REXO5: variants seen among roughly 807,000 people sequenced by gnomAD.
REXO5 encodes RNA exonuclease 5.
In REXO5, 48 loss-of-function variants were observed where a neutral mutation model predicts 88.5. The ratio of observed to expected loss-of-function variants is 0.54; its 90% CI spans 0.43 to 0.69. REXO5 has a LOEUF of 0.69. REXO5 is among the 30% of genes least tolerant of loss of function. The probability of loss-of-function intolerance (pLI) is 0.00; values close to 1 mark genes in which losing one functional copy is unlikely to be tolerated. For synonymous variants in REXO5, 311 were observed against 336.5 expected (o/e 0.92, Z 0.83); for missense variants, 749 against 912.2 (o/e 0.82, Z 2.30).
intron 8 of REXO5, among the ~76,000 whole-genome samples, chr16:20,826,469 C>T (rs1339328074): frequency 6.6e-6 from 1 of 152,188 alleles, no homozygotes; most frequent in Non-Finnish European, 1.5e-5. Context: ...TGTTCCCATC[C>T]GTTGACGTGG....
At chr16:20,813,924 A>T (rs1225695410) in intron 3 of REXO5, among the ~76,000 whole-genome samples, 1 of 151,970 alleles carries the variant, frequency 6.6e-6, no homozygotes, top group Non-Finnish European at 1.5e-5. Context: ...TACTGTTCTG[A>T]TATTGTTGGT....
intron 19 of REXO5, among the ~76,000 whole-genome samples, chr16:20,848,091 T>A (rs375954572): frequency 6.6e-6 from 1 of 152,180 alleles, no homozygotes; most frequent in Non-Finnish European, 1.5e-5. Flanking sequence ...CCTTTAAAAG[T>A]CACATTCTGA....
At chr16:20,833,187 C>A in intron 13 of REXO5, 64 bp downstream of exon 13, 1 of 1,499,422 alleles carries the variant, frequency 6.7e-7, no homozygotes, top group Non-Finnish European at 9.0e-7. Context: ...GCCCTTTGCA[C>A]CCATGCCAGT....
At chr16:20,827,515 T>C in intron 10 of REXO5, 68 bp downstream of exon 10, 1 of 1,140,606 alleles carries the variant, frequency 8.8e-7, no homozygotes, top group South Asian at 1.3e-5. Context: ...TAGTATCTAA[T>C]TTAATGCATA....
chr16:20,839,059 A>G (rs1204500735), intron 13 of REXO5, among the ~76,000 whole-genome samples: 1 of 152,196 alleles, frequency 6.6e-6, no homozygotes, highest in Non-Finnish European at 1.5e-5. Flanking sequence ...TGTGAGAGTG[A>G]GAGGCTGAAG....
intron 15 of REXO5, 140 bp from the exon 16 acceptor site, chr16:20,843,794 A>G (rs1052349315): frequency 1.2e-5 from 6 of 504,070 alleles, no homozygotes; most frequent in Admixed American, 3.7e-5. Context: ...ACAGTTTACA[A>G]TCAATACTTG....
rs979453804 is a variant in REXO5 at position 20,806,743 on chromosome 16, C to A, written c.-3+38C>A. On this transcript the variant is annotated intron_variant, in intron 1 of 19. Coordinates refer to ENST00000261377, the MANE Select transcript of REXO5 (RefSeq NM_030941.3). ...GACGGTAAAGCCGTTTGGGTTAGAG[C>A]GGCGCGGGTGTCCAGTCCGCGGAAC... 1.3e-5 allele frequency: 13 copies of A among 1,000,012 alleles called. No individual in the cohort carries two copies. In the African/African-American group the frequency reaches 1.8e-4, roughly 14 times the overall value. The allele number at this position is 1,000,012 out of a possible 1,614,324, so 61.9% of individuals were successfully genotyped here.
chr16:20,813,440 T>A lies in REXO5; in HGVS notation c.251+138T>A, dbSNP rs1596567590. On this transcript the variant is annotated intron_variant, in intron 3 of 19. Transcript: ENST00000261377. Reference sequence around the variant, plus strand: ...GACAGTATTTTTTTGCTATGCAGCATGTCCTGAATTTTTTATGATGGCTGC... The same window carrying A: ...GACAGTATTTTTTTGCTATGCAGCAAGTCCTGAATTTTTTATGATGGCTGC... The A allele has an allele frequency of 5.4e-6, 3 of 553,164 alleles. No individual in the cohort carries two copies. In the East Asian group the frequency reaches 9.3e-5, roughly 17 times the overall value. 34.3% of individuals were successfully genotyped at this position (553,164 alleles called of 1,614,324 possible).
chr16:20,829,725 A>G (rs2081312266), intron 11 of REXO5, among the ~76,000 whole-genome samples: 1 of 152,198 alleles, frequency 6.6e-6, no homozygotes, highest in Non-Finnish European at 1.5e-5. Flanking sequence ...AGCTATTATC[A>G]TTCCAATTTT....
chr16:20,822,625 A>G (rs2081202019), intron 6 of REXO5, among the ~76,000 whole-genome samples: 1 of 152,178 alleles, frequency 6.6e-6, no homozygotes, highest in African/African-American at 2.4e-5. Flanking sequence ...CTATATATAG[A>G]TTTACCCATT....
intron 13 of REXO5, among the ~76,000 whole-genome samples, chr16:20,835,041 G>T (rs2081404702): frequency 6.6e-6 from 1 of 152,084 alleles, no homozygotes. Context: ...TTAATTTGTT[G>T]GGTGCTATAT....
chr16:20,824,399 T>C (rs940533784), intron 6 of REXO5, 40 bp from the exon 7 acceptor site: 4 of 1,130,768 alleles, frequency 3.5e-6, no homozygotes, highest in Non-Finnish European at 5.3e-6. Flanking sequence ...GTTTACCATC[T>C]CTATTCTAAA....
At chr16:20,809,224 GACA>G (rs2080960556) in intron 2 of REXO5, among the ~76,000 whole-genome samples, 1 of 152,138 alleles carries the variant, frequency 6.6e-6, no homozygotes. Flanking sequence ...AGTAGTTGCT[GACA>G]CAATGGTCTT....
chr16:20,832,403 C>T lies in REXO5; in HGVS notation c.1262+144C>T, dbSNP rs368252183. On this transcript the variant is annotated intron_variant, in intron 12 of 19. Transcript: ENST00000261377. ...ATGATAACATCTATCACAAAAACCA[C>T]GGAAAAAATACCACCTTCTAGCCTT... is the stretch of plus-strand genomic sequence containing the variant. 98 of 492,400 alleles carry T rather than the reference C, an allele frequency of 2.0e-4. 1 individual carries two copies. Among genetic ancestry groups the T allele is most frequent in the Admixed American group, 1.8e-3 (43 of 24,032 alleles). 30.5% of individuals were successfully genotyped at this position (492,400 alleles called of 1,614,324 possible).
chr16:20,843,873 A>T, intron 15 of REXO5, 61 bp from the exon 16 acceptor site: 1 of 1,219,794 alleles, frequency 8.2e-7, no homozygotes, highest in Non-Finnish European at 1.2e-6. Context: ...CCTTTCCCCA[A>T]CCCCTTCTTT....
chr16:20,822,849 A>G (rs2081205124), intron 6 of REXO5, among the ~76,000 whole-genome samples: 1 of 152,212 alleles, frequency 6.6e-6, no homozygotes, highest in Non-Finnish European at 1.5e-5. Context: ...TGCTATGAAT[A>G]TTCAGGTCCA....
At chr16:20,844,586 T>C in intron 16 of REXO5, 43 bp from the exon 17 acceptor site, 1 of 1,571,084 alleles carries the variant, frequency 6.4e-7, no homozygotes, top group Admixed American at 1.7e-5. Context: ...GGCCTGAGGA[T>C]TAAATTGATT....
intron 13 of REXO5, among the ~76,000 whole-genome samples, chr16:20,834,790 G>C (rs1198615535): frequency 6.6e-6 from 1 of 152,074 alleles, no homozygotes; most frequent in Non-Finnish European, 1.5e-5. Context: ...ACCTCTAGAA[G>C]TTAACTTTTG....
intron 2 of REXO5, 76 bp from the exon 3 acceptor site, chr16:20,813,114 T>A (rs538085730): frequency 5.5e-5 from 52 of 949,748 alleles, no homozygotes; most frequent in Non-Finnish European, 8.0e-5. Flanking sequence ...AATCAGAAGC[T>A]AGAATAATTT....
Sources: gnomAD v4.1 joint callset for allele counts (sites outside exome capture counted in the v4.1 genomes callset) on GRCh38, gnomAD v4.1.1 for gene constraint, MANE v1.5 for transcripts, NCBI Gene and HGNC (gene_info 2026-07-23, HGNC 2026-07-21) for gene names.